MARCHF1: variants seen among roughly 807,000 people sequenced by gnomAD.
The protein encoded by MARCHF1 is membrane associated ring-CH-type finger 1, also known as E3 ubiquitin-protein ligase MARCHF1.
MARCHF1 carries 40 observed loss-of-function variants against 54.2 expected under a neutral mutation model. The observed-to-expected ratio is 0.74, with a 90% CI of 0.57 to 0.96. The LOEUF is 0.96. MARCHF1 is among the 40% of genes least tolerant of loss of function. MARCHF1 has a pLI of 0.00. For missense variants in MARCHF1, 586 were observed against 656.5 expected, an observed-to-expected ratio of 0.89 and a Z score of 1.17; for synonymous variants, 236 against 236.3, an observed-to-expected ratio of 1.00 and a Z score of 0.01.
At chr4:164,138,831 G>C (rs911494985) in intron 1 of MARCHF1, among the ~76,000 whole-genome samples, 1 of 151,970 alleles carries the variant, frequency 6.6e-6, no homozygotes, top group Non-Finnish European at 1.5e-5. Context: ...TTTTTGTGTA[G>C]GCATGTAGGT....
intron 1 of MARCHF1, among the ~76,000 whole-genome samples, chr4:164,278,287 GT>G (rs1397715063): frequency 6.6e-6 from 1 of 152,180 alleles, no homozygotes; most frequent in African/African-American, 2.4e-5. Flanking sequence ...TCAAGCCTGG[GT>G]AATAGAGTAA....
intron 1 of MARCHF1, among the ~76,000 whole-genome samples, chr4:164,286,975 A>G (rs988803368): frequency 2.0e-5 from 3 of 150,092 alleles, no homozygotes; most frequent in Admixed American, 1.3e-4. Context: ...AAGAGACTCA[A>G]GGTTGAGGTC....
chr4:163,921,352 T>C (rs894156864), intron 3 of MARCHF1, among the ~76,000 whole-genome samples: 2 of 151,152 alleles, frequency 1.3e-5, no homozygotes, highest in Non-Finnish European at 2.9e-5. Flanking sequence ...TATGAGCCTA[T>C]GTCAGGAATC....
At chr4:163,918,916 A>T (rs1751367257) in intron 3 of MARCHF1, among the ~76,000 whole-genome samples, 1 of 152,136 alleles carries the variant, frequency 6.6e-6, no homozygotes, top group African/African-American at 2.4e-5. Flanking sequence ...TTTGGTCTTC[A>T]TAGATACTCT....
At chr4:163,748,440 T>G (rs1746424504) in intron 4 of MARCHF1, among the ~76,000 whole-genome samples, 1 of 150,982 alleles carries the variant, frequency 6.6e-6, no homozygotes, top group Admixed American at 6.6e-5. Flanking sequence ...ACAAGCTCGC[T>G]GGCATAATTA....
intron 4 of MARCHF1, among the ~76,000 whole-genome samples, chr4:163,702,010 G>T (rs1226844296): frequency 6.6e-6 from 1 of 152,144 alleles, no homozygotes. Flanking sequence ...GACAGGATAT[G>T]GCAGATGTGT....
rs1730648401 is a variant in MARCHF1 at position 164,175,819 on chromosome 4, C to G, written c.-322-64157G>C. On this transcript the variant is annotated intron_variant, in intron 1 of 9. Transcript: ENST00000514618. ...GCCCCAGTAATCATGTGAGCCAATT[C>G]CTTACAATCTTTCTCTCTCTCTTTC... Among the ~76,000 whole-genome samples the G allele has an allele frequency of 2.6e-5, 4 of 152,274 alleles. 1 individual carries two copies. In the Middle Eastern group the frequency reaches 0.01, roughly 388 times the overall value.
intron 5 of MARCHF1, among the ~76,000 whole-genome samples, chr4:163,697,603 CAG>C (rs1489287457): frequency 2.0e-5 from 3 of 152,096 alleles, no homozygotes; most frequent in Non-Finnish European, 4.4e-5. Flanking sequence ...GGCAGGAAAG[CAG>C]ACTTAGAAAT....
chr4:163,919,565 T>C (rs1751380089), intron 3 of MARCHF1, among the ~76,000 whole-genome samples: 1 of 151,998 alleles, frequency 6.6e-6, no homozygotes. Flanking sequence ...ATTTATATTA[T>C]AGTTGCAAAG....
chr4:164,110,058 T>C (rs1755801681), intron 2 of MARCHF1, among the ~76,000 whole-genome samples: 1 of 151,536 alleles, frequency 6.6e-6, no homozygotes. Flanking sequence ...CCTATTAATG[T>C]AAAATTTTTA....
At chr4:163,886,099 A>C (rs1413267560) in intron 3 of MARCHF1, among the ~76,000 whole-genome samples, 2 of 149,266 alleles carry the variant, frequency 1.3e-5, no homozygotes, top group Non-Finnish European at 3.0e-5. Flanking sequence ...TGTATATACT[A>C]AATTGAAGTA....
intron 4 of MARCHF1, among the ~76,000 whole-genome samples, chr4:163,823,074 A>G (rs1748740103): frequency 6.6e-6 from 1 of 151,878 alleles, no homozygotes; most frequent in African/African-American, 2.4e-5. Context: ...CATCACTTAC[A>G]AAACTAATAC....
chr4:163,855,578 G>C (rs995969383), intron 3 of MARCHF1, among the ~76,000 whole-genome samples: 3 of 152,144 alleles, frequency 2.0e-5, no homozygotes, highest in African/African-American at 7.2e-5. Flanking sequence ...CAAAGGCAAG[G>C]AGTGAAATGA....
rs1235748902 is a variant in MARCHF1 at position 163,742,318 on chromosome 4, TTCTCTCCCTCCCTTTCCCTCCCTCCC to T, written c.112-41481_112-41456del. Among the ~76,000 whole-genome samples, 9 of 150,344 alleles carry T rather than the reference TTCTCTCCCTCCCTTTCCCTCCCTCCC, an allele frequency of 6.0e-5. No homozygotes were observed. The South Asian group carries it at 1.7e-3, about 28-fold the overall frequency. ...AAAAGGGATTAACTCTTCTTTCCCT[TTCTCTCCCTCCCTTTCCCTCCCTCCC>T]TCTCTCCCTCCCTCCCTCCCTCTCT... On this transcript the variant is annotated intron_variant, in intron 4 of 9. Transcript: ENST00000514618.
intron 3 of MARCHF1, among the ~76,000 whole-genome samples, chr4:163,967,999 A>AGTTGATAGATAAAATT (rs1371236587): frequency 3.8e-4 from 58 of 152,282 alleles, no homozygotes; most frequent in African/African-American, 1.3e-3. Flanking sequence ...CCATCTTCTA[A>AGTTGATAGATAAAATT]AATCATTACT....
At chr4:164,240,795 A>T (rs1040880121) in intron 1 of MARCHF1, among the ~76,000 whole-genome samples, 1 of 152,038 alleles carries the variant, frequency 6.6e-6, no homozygotes, top group East Asian at 1.9e-4. Flanking sequence ...CTATCATGAC[A>T]TTCTTTGTTG....
intron 3 of MARCHF1, among the ~76,000 whole-genome samples, chr4:163,886,986 C>G (rs369978177): frequency 5.3e-5 from 8 of 152,138 alleles, no homozygotes; most frequent in African/African-American, 1.9e-4. Flanking sequence ...AACCCAGAAA[C>G]CTCTCTTGAG....
intron 1 of MARCHF1, among the ~76,000 whole-genome samples, chr4:164,132,309 T>C (rs1756317528): frequency 6.6e-6 from 1 of 152,176 alleles, no homozygotes; most frequent in Non-Finnish European, 1.5e-5. Flanking sequence ...AAGAGTCCTG[T>C]CTTTTTGTAG....
chr4:163,568,729 T>C (rs946773257), intron 8 of MARCHF1, among the ~76,000 whole-genome samples: 1 of 152,106 alleles, frequency 6.6e-6, no homozygotes, highest in South Asian at 2.1e-4. Context: ...TCTAGGCTGC[T>C]GGGATCATCT....
Sources: gnomAD v4.1 joint callset for allele counts (sites outside exome capture counted in the v4.1 genomes callset) on GRCh38, gnomAD v4.1.1 for gene constraint, MANE v1.5 for transcripts, NCBI Gene and HGNC (gene_info 2026-07-23, HGNC 2026-07-21) for gene names.